KCNH7: variants seen among roughly 807,000 people sequenced by gnomAD.
The protein encoded by KCNH7 is potassium voltage-gated channel subfamily H member 7.
A neutral mutation model predicts 120.8 loss-of-function variants in KCNH7; 49 were observed. The ratio of observed to expected loss-of-function variants is 0.41; its 90% CI spans 0.32 to 0.51. The LOEUF is 0.51. Among genes scored for constraint, KCNH7 ranks in the 20% least tolerant of loss-of-function variants. The pLI, the probability that KCNH7 is intolerant of heterozygous loss-of-function variation, is 0.38. For missense variants in KCNH7, 1,097 were observed against 1,446.6 expected (o/e 0.76, Z 3.92); for synonymous variants, 547 against 516.1 (o/e 1.06, Z -0.81).
chr2:162,705,151 A>C (rs551237585), intron 2 of KCNH7, among the ~76,000 whole-genome samples: 1 of 152,120 alleles, frequency 6.6e-6, no homozygotes, highest in Non-Finnish European at 1.5e-5. Flanking sequence ...ACATCAAATT[A>C]ATCTGATAGT....
intron 8 of KCNH7, among the ~76,000 whole-genome samples, chr2:162,426,443 A>G (rs1268002352): frequency 1.3e-5 from 2 of 152,178 alleles, no homozygotes; most frequent in Non-Finnish European, 2.9e-5. Context: ...TTGACAGACT[A>G]TGGATATCTA....
chr2:162,719,063 T>C (rs1687233612), intron 2 of KCNH7, among the ~76,000 whole-genome samples: 1 of 151,984 alleles, frequency 6.6e-6, no homozygotes, highest in Non-Finnish European at 1.5e-5. Context: ...CTTGTCCCCA[T>C]TGGGTACGTA....
intron 2 of KCNH7, among the ~76,000 whole-genome samples, chr2:162,753,013 GAAAAGAAAAGA>G (rs1322431154): frequency 6.8e-6 from 1 of 147,052 alleles, no homozygotes; most frequent in Admixed American, 6.8e-5. Context: ...GAAAAGAAAA[GAAAAGAAAAGA>G]AAAGAAACCC....
At chr2:162,460,278 A>G (rs189948868) in intron 6 of KCNH7, among the ~76,000 whole-genome samples, 1 of 152,176 alleles carries the variant, frequency 6.6e-6, no homozygotes, top group East Asian at 1.9e-4. Context: ...AGAGAAGAAG[A>G]CCAAACTCAC....
At chr2:162,809,527 G>A (rs898513475) in intron 2 of KCNH7, among the ~76,000 whole-genome samples, 1 of 152,094 alleles carries the variant, frequency 6.6e-6, no homozygotes, top group Non-Finnish European at 1.5e-5. Flanking sequence ...TTTGATTCCT[G>A]TAATAACTAT....
At chr2:162,838,065 C>G (rs1456721793) in intron 1 of KCNH7, among the ~76,000 whole-genome samples, 1 of 152,132 alleles carries the variant, frequency 6.6e-6, no homozygotes, top group Non-Finnish European at 1.5e-5. Flanking sequence ...TTCTCTTGTT[C>G]GAATAGTATG....
At chr2:162,499,550 T>C (rs571332441) in intron 6 of KCNH7, among the ~76,000 whole-genome samples, 3 of 152,218 alleles carry the variant, frequency 2.0e-5, no homozygotes, top group East Asian at 1.9e-4. Flanking sequence ...AAATGAAATA[T>C]GACATGATGC....
chr2:162,592,173 A>T (rs1013271136), intron 2 of KCNH7, among the ~76,000 whole-genome samples: 6 of 152,064 alleles, frequency 3.9e-5, no homozygotes, highest in Admixed American at 3.9e-4. Context: ...CTTAAAGGTT[A>T]CTTAATTCAG....
chr2:162,462,517 G>A (rs1573987552), intron 6 of KCNH7, among the ~76,000 whole-genome samples: 1 of 147,380 alleles, frequency 6.8e-6, no homozygotes, highest in African/African-American at 2.6e-5. Context: ...AGGAGAGTGA[G>A]AGCAAGAGAG....
chr2:162,516,156 G>A (rs563430963), intron 4 of KCNH7, among the ~76,000 whole-genome samples: 3 of 151,886 alleles, frequency 2.0e-5, no homozygotes, highest in South Asian at 4.2e-4. Context: ...AGGGTGCAGA[G>A]CTCACTATGC....
chr2:162,407,811 G>T (rs554966345), intron 9 of KCNH7, among the ~76,000 whole-genome samples: 1 of 152,076 alleles, frequency 6.6e-6, no homozygotes, highest in African/African-American at 2.4e-5. Flanking sequence ...GATTGTAGAT[G>T]ACCTTAGCTT....
Position 162,540,213 on chromosome 2 carries a change from G to A in KCNH7, c.308-3133C>T, listed in dbSNP as rs542912194. Among the ~76,000 whole-genome samples, 609 of 150,252 alleles carry A rather than the reference G, an allele frequency of 4.1e-3. 7 individuals are homozygous for A. The highest frequency in any genetic ancestry group is 0.015 in the African/African-American group (587 of 40,164). ...AATTAATAATGTTTGTTAAGAAGCAGATTATTTACAATAATATTAGCTATT... is the reference window on the plus strand; with the variant it reads ...AATTAATAATGTTTGTTAAGAAGCAAATTATTTACAATAATATTAGCTATT... On this transcript the variant is annotated intron_variant, in intron 2 of 15. Coordinates refer to ENST00000332142, the MANE Select transcript of KCNH7 (RefSeq NM_033272.4).
At chr2:162,543,642 C>T (rs1223030531) in intron 2 of KCNH7, among the ~76,000 whole-genome samples, 1 of 152,044 alleles carries the variant, frequency 6.6e-6, no homozygotes, top group Non-Finnish European at 1.5e-5. Flanking sequence ...CTTGGATGTG[C>T]AGCTCTGTGT....
chr2:162,792,821 C>A (rs1272660141), intron 2 of KCNH7, among the ~76,000 whole-genome samples: 1 of 137,518 alleles, frequency 7.3e-6, no homozygotes, highest in African/African-American at 2.7e-5. Flanking sequence ...CAATCTCCTT[C>A]AGTTCAGCTC....
chr2:162,492,863 T>TTG (rs1417999018), intron 6 of KCNH7, among the ~76,000 whole-genome samples: 2 of 94,574 alleles, frequency 2.1e-5, no homozygotes, highest in South Asian at 3.8e-4. Context: ...TTCTTGGATC[T>TTG]TGTTTTTTTT....
chr2:162,665,833 A>G (rs900155185), intron 2 of KCNH7, among the ~76,000 whole-genome samples: 4 of 151,972 alleles, frequency 2.6e-5, no homozygotes, highest in African/African-American at 9.7e-5. Flanking sequence ...TTCTTTGCAT[A>G]TTTTTTCCTC....
At chr2:162,775,417 T>C (rs1206366473) in intron 2 of KCNH7, among the ~76,000 whole-genome samples, 1 of 152,180 alleles carries the variant, frequency 6.6e-6, no homozygotes, top group African/African-American at 2.4e-5. Flanking sequence ...CATGTTACCC[T>C]TTGAGGAGGC....
chr2:162,678,773 T>C (rs532846642), intron 2 of KCNH7, among the ~76,000 whole-genome samples: 5 of 151,536 alleles, frequency 3.3e-5, no homozygotes, highest in Non-Finnish European at 4.4e-5. Flanking sequence ...AAAATTCTTG[T>C]GATTGGTCAT....
intron 2 of KCNH7, among the ~76,000 whole-genome samples, chr2:162,783,072 C>T (rs1683560251): frequency 6.6e-6 from 1 of 152,174 alleles, no homozygotes; most frequent in Admixed American, 6.5e-5. Context: ...CCAACAGTGG[C>T]TAGGCCCACC....
Sources: gnomAD v4.1 joint callset for allele counts (sites outside exome capture counted in the v4.1 genomes callset) on GRCh38, gnomAD v4.1.1 for gene constraint, MANE v1.5 for transcripts, NCBI Gene and HGNC (gene_info 2026-07-23, HGNC 2026-07-21) for gene names.